Variants in SYT1 observed in about 807,000 individuals in gnomAD.
SYT1 encodes the protein synaptotagmin 1, also known as synaptotagmin-1.
In SYT1, 8 loss-of-function variants were observed where a neutral mutation model predicts 44.8. That is an observed-to-expected ratio of 0.18 (90% CI 0.10 to 0.32). SYT1 has a LOEUF of 0.32. Ranked by LOEUF, SYT1 falls within the 10% of genes least tolerant of loss-of-function variation. The pLI is 1.00. For synonymous variants in SYT1, 154 were observed against 188.8 expected (o/e 0.82, Z 1.51); for missense variants, 286 against 509.3 (o/e 0.56, Z 4.22).
chr12:79,378,208 C>G (rs576289273), intron 9 of SYT1, among the ~76,000 whole-genome samples: 24 of 152,232 alleles, frequency 1.6e-4, no homozygotes, highest in Non-Finnish European at 2.6e-4. Flanking sequence ...GGAAGAAGCT[C>G]AAGTCTTGAT....
chr12:79,091,779 T>C (rs1472724013), intron 3 of SYT1, among the ~76,000 whole-genome samples: 2 of 151,904 alleles, frequency 1.3e-5, no homozygotes, highest in African/African-American at 4.8e-5. Context: ...ACAGATACAC[T>C]GTAGTTTTCT....
chr12:78,989,619 G>A (rs1869884803), intron 2 of SYT1, among the ~76,000 whole-genome samples: 1 of 152,106 alleles, frequency 6.6e-6, no homozygotes, highest in Non-Finnish European at 1.5e-5. Flanking sequence ...TTGGGGAGAA[G>A]AGAGAAAATA....
At chr12:79,434,004 T>G (rs1869945105) in intron 9 of SYT1, among the ~76,000 whole-genome samples, 1 of 152,236 alleles carries the variant, frequency 6.6e-6, no homozygotes, top group Non-Finnish European at 1.5e-5. Context: ...GGCAGTCACA[T>G]GCTGTCCATT....
chr12:79,446,608 T>A (rs764688859), intron 10 of SYT1, among the ~76,000 whole-genome samples: 5 of 152,196 alleles, frequency 3.3e-5, no homozygotes, highest in Non-Finnish European at 7.3e-5. Context: ...ACCATCTTTG[T>A]ATTGGTTGAT....
intron 4 of SYT1, among the ~76,000 whole-genome samples, chr12:79,247,808 C>T (rs553564911): frequency 6.6e-6 from 1 of 152,092 alleles, no homozygotes; most frequent in African/African-American, 2.4e-5. Flanking sequence ...TGAAAAACAG[C>T]TTCCAGAGCA....
chr12:79,342,456 C>A (rs995998196), intron 8 of SYT1, among the ~76,000 whole-genome samples: 28 of 152,182 alleles, frequency 1.8e-4, no homozygotes, highest in Non-Finnish European at 3.1e-4. Flanking sequence ...GTCTCAAAAT[C>A]CTGGTTTCAA....
intron 6 of SYT1, among the ~76,000 whole-genome samples, chr12:79,293,862 G>A (rs1879756195): frequency 6.6e-6 from 1 of 152,108 alleles, no homozygotes; most frequent in Non-Finnish European, 1.5e-5. Flanking sequence ...GTTCAGGTTT[G>A]TAGTTATACC....
intron 1 of SYT1, among the ~76,000 whole-genome samples, chr12:78,914,636 CAT>C (rs201110924): frequency 0.044 from 6,613 of 151,976 alleles, 186 homozygotes; most frequent in South Asian, 0.088. Flanking sequence ...TTTAAATAGA[CAT>C]ATGAATTACA....
chr12:79,424,399 T>C (rs1003726617), intron 9 of SYT1, among the ~76,000 whole-genome samples: 2 of 152,122 alleles, frequency 1.3e-5, no homozygotes, highest in Admixed American at 6.5e-5. Context: ...GTGGATTTGT[T>C]CATTATTTGT....
intron 3 of SYT1, among the ~76,000 whole-genome samples, chr12:79,166,161 A>G (rs1006956822): frequency 2.6e-5 from 4 of 152,074 alleles, no homozygotes; most frequent in Non-Finnish European, 1.5e-5. Flanking sequence ...CTCAAGAGCC[A>G]TTAGACCTGC....
At chr12:79,392,720 A>G (rs549133126) in intron 9 of SYT1, 3 of 149,570 alleles carry the variant, frequency 2.0e-5, no homozygotes, top group East Asian at 4.0e-4. Context: ...AACTGAGTAT[A>G]TGTATTGTAA....
intron 9 of SYT1, chr12:79,392,335 G>C (rs1884690818): frequency 6.6e-6 from 1 of 152,142 alleles, no homozygotes. Context: ...ACATGTCATA[G>C]GAAAAACAAG....
chr12:79,346,944 G>A (rs1882634219), intron 8 of SYT1, among the ~76,000 whole-genome samples: 1 of 152,108 alleles, frequency 6.6e-6, no homozygotes, highest in South Asian at 2.1e-4. Context: ...GTAATCTCGA[G>A]GCACCATTCT....
intron 8 of SYT1, among the ~76,000 whole-genome samples, chr12:79,309,560 A>G (rs1880658534): frequency 6.6e-6 from 1 of 152,118 alleles, no homozygotes; most frequent in African/African-American, 2.4e-5. Flanking sequence ...GAGGCCAAAG[A>G]TTTTTAAAAG....
chr12:79,040,349 C>T (rs1224183158), intron 2 of SYT1, among the ~76,000 whole-genome samples: 18 of 152,084 alleles, frequency 1.2e-4, no homozygotes, highest in South Asian at 4.2e-4. Context: ...ATTGTGGTTT[C>T]GATTTGCATT....
At chr12:79,180,794 C>T (rs563760306) in intron 3 of SYT1, among the ~76,000 whole-genome samples, 2 of 152,016 alleles carry the variant, frequency 1.3e-5, no homozygotes, top group South Asian at 2.1e-4. Flanking sequence ...GCAGGCCCCA[C>T]CTCCAACGTT....
Position 79,292,031 on chromosome 12 carries a change from A to C in SYT1, c.375A>C (p.Glu125Asp). Residue 125 changes from glutamate to aspartate, a missense_variant, in exon 6 of 11, where the codon GAA becomes GAC. Glu to Asp is a conservative substitution (Grantham distance 45). Around this residue, in one of 6 missense-constraint regions of SYT1, gnomAD observed 141 missense variants for 165.7 expected, o/e 0.85. Coordinates refer to ENST00000261205, the MANE Select transcript of SYT1 (RefSeq NM_005639.3). The part of the protein sequence containing the change: ...KDQALKDDDA[E>D]TGLTDGEEKE... ...AGGCCCTCAAGGATGATGATGCTGA[A>C]ACTGGATTGACAGATGGAGAAGAAA... is the stretch of plus-strand genomic sequence containing the variant. The C allele has an allele frequency of 6.2e-7, 1 of 1,614,032 alleles. No individual in the cohort carries two copies.
At chr12:79,149,763 C>G (rs993349095) in intron 3 of SYT1, among the ~76,000 whole-genome samples, 2 of 152,112 alleles carry the variant, frequency 1.3e-5, no homozygotes, top group Non-Finnish European at 2.9e-5. Flanking sequence ...CTGAACTTCC[C>G]CTGTTAAAAT....
At chr12:79,051,074 C>T (rs766493723) in intron 3 of SYT1, among the ~76,000 whole-genome samples, 1 of 151,394 alleles carries the variant, frequency 6.6e-6, no homozygotes, top group African/African-American at 2.4e-5. Context: ...ATTAACCACC[C>T]ACCATTTTTT....
Sources: allele counts gnomAD v4.1 joint callset (sites outside exome capture counted in the v4.1 genomes callset), GRCh38; gene constraint gnomAD v4.1.1; regional missense constraint gnomAD v4.1.1; transcripts MANE v1.5; gene names NCBI Gene and HGNC (gene_info 2026-07-23, HGNC 2026-07-21).